Variants in RALGAPA2 observed in about 807,000 individuals in gnomAD.
RALGAPA2 encodes the protein Ral GTPase activating protein catalytic subunit alpha 2.
Under a neutral mutation model 230.4 loss-of-function variants are expected in RALGAPA2, and 139 were observed. The observed-to-expected ratio is 0.60, with a 90% CI of 0.53 to 0.69. The LOEUF (loss-of-function observed/expected upper bound fraction) is 0.69. Among genes scored for constraint, RALGAPA2 ranks in the 30% least tolerant of loss-of-function variants. RALGAPA2 has a pLI of 0.00. For synonymous variants in RALGAPA2, 847 were observed against 837.8 expected (o/e 1.01, Z -0.19); for missense variants, 2,163 against 2,276.0 (o/e 0.95, Z 1.01).
At chr20:20,567,087 TAA>T (rs1313070051) in intron 23 of RALGAPA2, among the ~76,000 whole-genome samples, 4 of 152,250 alleles carry the variant, frequency 2.6e-5, no homozygotes, top group African/African-American at 9.6e-5. Context: ...CAAATTACAT[TAA>T]GACATTAAAT....
intron 37 of RALGAPA2, among the ~76,000 whole-genome samples, chr20:20,421,366 T>G (rs897196670): frequency 3.9e-5 from 6 of 152,138 alleles, no homozygotes; most frequent in African/African-American, 7.2e-5. Context: ...ACCTTGCTGG[T>G]AGGAATATAA....
In RALGAPA2 at chr20:20,521,103, G is replaced by A; in HGVS notation, c.3901-3C>T. ...CCACACACACAGCAGTGCAAAACCT[G>A]TGAAAACAGAGGCCATGTGCACCAC... is the stretch of plus-strand genomic sequence containing the variant. On this transcript the variant is annotated splice_region_variant and splice_polypyrimidine_tract_variant and intron_variant, in intron 30 of 39. Transcript: ENST00000202677. 6.3e-7 allele frequency: 1 copy of A among 1,598,294 alleles called. No homozygotes were observed. Among genetic ancestry groups the A allele is most frequent in the Non-Finnish European group, 8.6e-7 (1 of 1,168,156 alleles).
At position 20,512,536 on chromosome 20, in the gene RALGAPA2, C is replaced by T. The variant is rs948926609; in HGVS notation, c.4833G>A (p.Leu1611=). 2 of 1,606,288 alleles carry T rather than the reference C, an allele frequency of 1.2e-6. No homozygotes were observed. The highest frequency in any genetic ancestry group is 2.7e-5 in the African/African-American group (2 of 74,532). The change falls in exon 32 of 40, where the codon TTG becomes TTA. Residue 1611 remains leucine (L), a synonymous_variant. Transcript: ENST00000202677. ...FYFCRLLLDD[L]GMNSWDRRKN... ...ACCTTCTGTCCCAAGAATTCATTCC[C>T]AAGTCATCAAGCAATAACCTGCAGA... is the stretch of plus-strand genomic sequence containing the variant.
intron 15 of RALGAPA2, among the ~76,000 whole-genome samples, chr20:20,604,671 G>T (rs1477702605): frequency 6.6e-6 from 1 of 150,464 alleles, no homozygotes; most frequent in East Asian, 1.9e-4. Flanking sequence ...AACATTATGA[G>T]ATTTTTTTTT....
intron 4 of RALGAPA2, among the ~76,000 whole-genome samples, chr20:20,650,587 T>C (rs1273021336): frequency 6.6e-6 from 1 of 152,146 alleles, no homozygotes; most frequent in Non-Finnish European, 1.5e-5. Context: ...AGTATAGGAG[T>C]GTCCTCCCTA....
intron 35 of RALGAPA2, among the ~76,000 whole-genome samples, chr20:20,501,886 A>G (rs1036316915): frequency 2.0e-5 from 3 of 152,158 alleles, no homozygotes; most frequent in Non-Finnish European, 4.4e-5. Context: ...AGGCCCAAGG[A>G]GCGGAAGATA....
chr20:20,661,974 A>C (rs2067797056), intron 3 of RALGAPA2, among the ~76,000 whole-genome samples: 1 of 152,250 alleles, frequency 6.6e-6, no homozygotes, highest in African/African-American at 2.4e-5. Context: ...TACTCCATTA[A>C]AACAACTTTC....
intron 27 of RALGAPA2, among the ~76,000 whole-genome samples, chr20:20,531,288 G>A (rs2063359320): frequency 6.6e-6 from 1 of 152,224 alleles, no homozygotes; most frequent in African/African-American, 2.4e-5. Flanking sequence ...TCCTTAAAGT[G>A]CCCAAGATTC....
intron 30 of RALGAPA2, among the ~76,000 whole-genome samples, chr20:20,523,970 G>C (rs183448505): frequency 2.9e-4 from 43 of 149,196 alleles, no homozygotes; most frequent in Non-Finnish European, 5.3e-4. Flanking sequence ...TTACTTTTTT[G>C]GGGGGGGATG....
rs147539465 is a variant in RALGAPA2, at chr20:20,612,576, C to T, written c.1689-1150G>A. Among the ~76,000 whole-genome samples, 132 of 152,282 alleles carry T rather than the reference C, an allele frequency of 8.7e-4. No homozygotes were observed. The Middle Eastern group carries it at 0.01, about 12-fold the overall frequency. On this transcript the variant is annotated intron_variant, in intron 13 of 39. Coordinates refer to ENST00000202677, the MANE Select transcript of RALGAPA2 (RefSeq NM_020343.4). ...TTCCTGCCCTCTTTGTAGCTGGCCC[C>T]ATTTGATTTTGGTCCCCAGAGTCAT...
chr20:20,520,289 G>A (rs2062998431), intron 31 of RALGAPA2, among the ~76,000 whole-genome samples: 1 of 152,066 alleles, frequency 6.6e-6, no homozygotes, highest in Non-Finnish European at 1.5e-5. Context: ...CATATGTATA[G>A]ACAGTATACC....
chr20:20,679,677 C>T (rs977634466), intron 2 of RALGAPA2, among the ~76,000 whole-genome samples: 3 of 152,134 alleles, frequency 2.0e-5, no homozygotes, highest in Non-Finnish European at 4.4e-5. Flanking sequence ...CATGTTCTCC[C>T]CTCCAGCAGC....
intron 1 of RALGAPA2, among the ~76,000 whole-genome samples, chr20:20,701,079 T>C (rs1367745877): frequency 6.6e-6 from 1 of 152,258 alleles, no homozygotes; most frequent in Non-Finnish European, 1.5e-5. Flanking sequence ...GTCTGCCACG[T>C]AGTTTGTGTT....
chr20:20,573,828 T>A (rs1321362322), intron 20 of RALGAPA2, among the ~76,000 whole-genome samples: 2 of 152,242 alleles, frequency 1.3e-5, no homozygotes, highest in Non-Finnish European at 2.9e-5. Flanking sequence ...TCATAGTTTA[T>A]CCATTCACCT....
chr20:20,665,494 T>C (rs750718723), intron 3 of RALGAPA2, among the ~76,000 whole-genome samples: 9 of 152,248 alleles, frequency 5.9e-5, no homozygotes, highest in Non-Finnish European at 1.0e-4. Flanking sequence ...GTATATCCCG[T>C]TGGGTCAATC....
At chr20:20,598,627 A>G (rs998277493) in intron 16 of RALGAPA2, 8 of 415,904 alleles carry the variant, frequency 1.9e-5, no homozygotes, top group Non-Finnish European at 3.9e-5. Flanking sequence ...CCCAGAGGCA[A>G]GCGGGAGAAG....
At chr20:20,479,206 T>G (rs932989443) in intron 36 of RALGAPA2, among the ~76,000 whole-genome samples, 11 of 152,168 alleles carry the variant, frequency 7.2e-5, no homozygotes, top group Non-Finnish European at 1.5e-4. Context: ...CTATAAAATC[T>G]TCGAATAACC....
At chr20:20,583,983 A>G (rs977106625) in intron 19 of RALGAPA2, among the ~76,000 whole-genome samples, 1 of 152,030 alleles carries the variant, frequency 6.6e-6, no homozygotes, top group Non-Finnish European at 1.5e-5. Flanking sequence ...GCTGTCCTCT[A>G]TTTACTCACA....
Position 20,712,535 on chromosome 20 carries a change from C to A in RALGAPA2, c.-55G>T. On this transcript the variant is annotated 5_prime_UTR_variant, in exon 1 of 40. Transcript: ENST00000202677. The surrounding 1 kb of genome is among the most constrained non-coding windows in gnomAD (Gnocchi z 5.5). ...CGGGGCAGTAGGCGCCTGCGCCACGCGAATCAAAGCATAGGGTCGAGGCCG... is the reference window on the plus strand; with the variant it reads ...CGGGGCAGTAGGCGCCTGCGCCACGAGAATCAAAGCATAGGGTCGAGGCCG... 2 of 1,509,314 alleles carry A rather than the reference C, an allele frequency of 1.3e-6. No homozygotes were observed. The highest frequency in any genetic ancestry group is 2.6e-5 in the East Asian group (1 of 38,014). The allele number at this position is 1,509,314 out of a possible 1,614,324, so 93.5% of individuals were successfully genotyped here.
Sources: gnomAD v4.1 joint callset for allele counts (sites outside exome capture counted in the v4.1 genomes callset) on GRCh38, gnomAD v4.1.1 for gene constraint, Gnocchi (gnomAD v3.1) non-coding constraint, MANE v1.5 for transcripts, NCBI Gene and HGNC (gene_info 2026-07-23, HGNC 2026-07-21) for gene names.